PGD: variants seen among roughly 807,000 people sequenced by gnomAD.
PGD encodes the protein 6-phosphogluconate dehydrogenase, decarboxylating.
A neutral mutation model predicts 60.4 loss-of-function variants in PGD; 21 were observed. The ratio of observed to expected loss-of-function variants is 0.35; its 90% CI spans 0.25 to 0.50. The LOEUF (loss-of-function observed/expected upper bound fraction) is 0.50, where lower values mean the gene tolerates loss of function less well. Among genes scored for constraint, PGD ranks in the 20% least tolerant of loss-of-function variants. The pLI is 0.98. For missense variants in PGD, 477 were observed against 613.1 expected, an observed-to-expected ratio of 0.78 and a Z score of 2.34; for synonymous variants, 230 against 235.9, an observed-to-expected ratio of 0.97 and a Z score of 0.23.
intron 5 of PGD, among the ~76,000 whole-genome samples, chr1:10,406,975 T>C (rs953249774): frequency 6.6e-5 from 10 of 152,234 alleles, no homozygotes; most frequent in Middle Eastern, 3.2e-3. Flanking sequence ...GGAACTTTCG[T>C]ATTGCCTGCT....
At chr1:10,415,660 G>C (rs1639582838) in intron 8 of PGD, among the ~76,000 whole-genome samples, 1 of 152,170 alleles carries the variant, frequency 6.6e-6, no homozygotes, top group Admixed American at 6.5e-5. Flanking sequence ...TTGTGTGTTT[G>C]GAGTAGGGTT....
Position 10,420,010 on chromosome 1 carries a change from GCGTGCCC to G in PGD, c.*266_*272del, listed in dbSNP as rs1346240893. On this transcript the variant is annotated 3_prime_UTR_variant, in exon 13 of 13. Coordinates refer to ENST00000270776, the MANE Select transcript of PGD (RefSeq NM_002631.4). ...CCATCTCCTTGCGGCAGTGGCTTCCGCGTGCCCCGTGTGCTGGTGCGGTTCCCATCAC... is the reference window on the plus strand; with the variant it reads ...CCATCTCCTTGCGGCAGTGGCTTCCGCGTGTGCTGGTGCGGTTCCCATCAC... 7 of 462,572 alleles carry G rather than the reference GCGTGCCC, an allele frequency of 1.5e-5. No individual in the cohort carries two copies. Among genetic ancestry groups the G allele is most frequent in the Non-Finnish European group, 2.4e-5 (6 of 252,498 alleles). The allele number at this position is 462,572 out of a possible 1,614,324, so 28.7% of individuals were successfully genotyped here. A position where few individuals can be genotyped will look rare whatever the true frequency, so the allele number is the denominator to read the frequency against.
In PGD at chr1:10,404,240, A is replaced by C; in HGVS notation, c.410A>C (p.Tyr137Ser). Reference protein sequence around the residue: ...GVSGGEEGARYGPSLMPGGNK... With the variant: ...GVSGGEEGARSGPSLMPGGNK... ...AGTGGTGGAGAGGAAGGGGCCCGGT[A>C]TGGCCCATCGCTCATGCCAGGAGGG... is the stretch of plus-strand genomic sequence containing the variant. The change falls in exon 5 of 13, where the codon TAT becomes TCT. Residue 137 changes from tyrosine to serine, a missense_variant. Around this residue, in one of 3 missense-constraint regions of PGD, gnomAD observed 431 missense variants for 556.6 expected, o/e 0.77. Coordinates refer to ENST00000270776, the MANE Select transcript of PGD (RefSeq NM_002631.4). The C allele has an allele frequency of 6.2e-7, 1 of 1,613,820 alleles. No individual in the cohort carries two copies. The highest frequency in any genetic ancestry group is 8.5e-7 in the Non-Finnish European group (1 of 1,179,766).
At chr1:10,406,857 T>G (rs923912796) in intron 5 of PGD, among the ~76,000 whole-genome samples, 1 of 152,202 alleles carries the variant, frequency 6.6e-6, no homozygotes, top group East Asian at 1.9e-4. Context: ...AACCATTCTG[T>G]GCCTGGCAGC....
At position 10,418,292 on chromosome 1, in the gene PGD, C is replaced by G. The variant is rs192091744; in HGVS notation, c.1110-534C>G. On this transcript the variant is annotated intron_variant, in intron 10 of 12. Coordinates refer to ENST00000270776, the MANE Select transcript of PGD (RefSeq NM_002631.4). ...AAGAATAGTTTTTATATTTTATTTT[C>G]ATATTGAAAATCGTCAGATTTTCTT... is the stretch of plus-strand genomic sequence containing the variant. Among the ~76,000 whole-genome samples the G allele has an allele frequency of 4.6e-5, 7 of 152,210 alleles. No homozygotes were observed. The East Asian group carries it at 1.4e-3, about 29-fold the overall frequency.
chr1:10,408,200 G>T, intron 6 of PGD, 60 bp downstream of exon 6: 1 of 979,884 alleles, frequency 1.0e-6, no homozygotes, highest in Admixed American at 1.7e-5. Flanking sequence ...AAGTGATGAA[G>T]TGCGTGGAGA....
Position 10,417,404 on chromosome 1 carries a change from A to T in PGD, c.1004A>T (p.Tyr335Phe), listed in dbSNP as rs375370072. Residue 335 changes from tyrosine to phenylalanine, a missense_variant, in exon 10 of 13, where the codon TAC becomes TTC. Tyr to Phe is a conservative substitution (Grantham distance 22, BLOSUM62 3). Transcript: ENST00000270776. ...KALYASKIIS[Y>F]AQGFMLLRQA... Reference sequence around the variant, plus strand: ...CTCTACGCTTCCAAGATCATCTCTTACGCTCAAGGCTTTATGCTGCTAAGG... The same window carrying T: ...CTCTACGCTTCCAAGATCATCTCTTTCGCTCAAGGCTTTATGCTGCTAAGG... 1 of 1,613,212 alleles carries T rather than the reference A, an allele frequency of 6.2e-7. No individual in the cohort carries two copies. The highest frequency in any genetic ancestry group is 1.3e-5 in the African/African-American group (1 of 74,880).
At chr1:10,402,740 G>A (rs544116867) in intron 3 of PGD, among the ~76,000 whole-genome samples, 14 of 151,754 alleles carry the variant, frequency 9.2e-5, no homozygotes, top group Non-Finnish European at 1.6e-4. Context: ...AGCCAGGATG[G>A]TCTTGATCTC....
intron 5 of PGD, 37 bp downstream of exon 5, chr1:10,404,316 G>C: frequency 1.5e-6 from 2 of 1,337,064 alleles, no homozygotes; most frequent in Non-Finnish European, 1.0e-6. Flanking sequence ...CTCTGTACAA[G>C]GGAGCTGGAC....
chr1:10,418,769 G>A (rs1215033401), intron 10 of PGD, 57 bp from the exon 11 acceptor site: 41 of 927,894 alleles, frequency 4.4e-5, no homozygotes, highest in East Asian at 1.4e-4. Context: ...GCGGGACTCC[G>A]TCTCAAAAAA....
intron 3 of PGD, among the ~76,000 whole-genome samples, chr1:10,401,654 T>C (rs1639318013): frequency 6.6e-6 from 1 of 152,248 alleles, no homozygotes; most frequent in East Asian, 1.9e-4. Context: ...AATGGTGGAT[T>C]ATTCTTCAGT....
rs759081871 is a variant in PGD, at chr1:10,413,224, G to C, written c.817G>C (p.Glu273Gln). The C allele has an allele frequency of 2.5e-6, 4 of 1,614,194 alleles. No individual in the cohort carries two copies. In the South Asian group the frequency reaches 4.4e-5, roughly 18 times the overall value. The change falls in exon 8 of 13, where the codon GAA (glutamate) becomes CAA (glutamine). Residue 273 changes from glutamate to glutamine, a missense_variant. Transcript: ENST00000270776. ...TGKWTAISALEYGVPVTLIGE... is the reference protein window; with the variant it reads ...TGKWTAISALQYGVPVTLIGE... ...GAAGTGGACCGCCATCTCCGCCCTG[G>C]AATACGGCGTACCCGTCACCCTCAT...
At chr1:10,405,401 TAC>T (rs57033638) in intron 5 of PGD, among the ~76,000 whole-genome samples, 74 of 108,434 alleles carry the variant, frequency 6.8e-4, no homozygotes, top group East Asian at 2.2e-3. Flanking sequence ...AAACAAAAAA[TAC>T]ACACACACAC....
intron 7 of PGD, among the ~76,000 whole-genome samples, chr1:10,412,425 C>T (rs1206232454): frequency 6.6e-6 from 1 of 152,148 alleles, no homozygotes; most frequent in African/African-American, 2.4e-5. Flanking sequence ...GTTTTTTATT[C>T]ATGTCATCCT....
chr1:10,399,276 C>G, intron 1 of PGD, 151 bp downstream of exon 1: 1 of 938,344 alleles, frequency 1.1e-6, no homozygotes, highest in Non-Finnish European at 1.6e-6. Context: ...TACGGCGTCT[C>G]GGGCCCAGAG....
At chr1:10,414,822 G>A (rs1440271536) in intron 8 of PGD, among the ~76,000 whole-genome samples, 2 of 151,906 alleles carry the variant, frequency 1.3e-5, no homozygotes, top group African/African-American at 4.8e-5. Flanking sequence ...GCCAGGCGCG[G>A]TGGCTCACGC....
intron 1 of PGD, among the ~76,000 whole-genome samples, 153 bp downstream of exon 1, chr1:10,399,278 G>A (rs904067031): frequency 1.3e-5 from 2 of 152,222 alleles, no homozygotes; most frequent in African/African-American, 4.8e-5. Flanking sequence ...CGGCGTCTCG[G>A]GCCCAGAGCT....
At chr1:10,406,400 AG>A in intron 5 of PGD, among the ~76,000 whole-genome samples, 1 of 151,974 alleles carries the variant, frequency 6.6e-6, no homozygotes, top group East Asian at 1.9e-4. Context: ...AAAAAAAAAA[AG>A]GTTTGAAAAT....
chr1:10,411,363 C>G lies in PGD; in HGVS notation c.520-55C>G. 3 of 1,607,628 alleles carry G rather than the reference C, an allele frequency of 1.9e-6. No homozygotes were observed. In the South Asian group the frequency reaches 3.3e-5, roughly 18 times the overall value. On this transcript the variant is annotated intron_variant, in intron 6 of 12. Coordinates refer to ENST00000270776, the MANE Select transcript of PGD (RefSeq NM_002631.4). ...TTGGCATGAAAGCTGATGTGGACTT[C>G]TCTGATGTGTCGCCTGTTTCTCTGA...
Sources: allele counts gnomAD v4.1 joint callset (sites outside exome capture counted in the v4.1 genomes callset), GRCh38; gene constraint gnomAD v4.1.1; regional missense constraint gnomAD v4.1.1; transcripts MANE v1.5; gene names NCBI Gene and HGNC (gene_info 2026-07-23, HGNC 2026-07-21).